RESP18: variants seen among roughly 807,000 people sequenced by gnomAD.
RESP18 encodes regulated endocrine specific protein 18.
RESP18 carries 30 observed loss-of-function variants against 30.0 expected under a neutral mutation model. That is an observed-to-expected ratio of 1.00 (90% CI 0.75 to 1.36). The LOEUF (loss-of-function observed/expected upper bound fraction) is 1.36, where lower values mean the gene tolerates loss of function less well. Ranked by LOEUF, RESP18 falls within the 40% of genes most tolerant of loss-of-function variation. RESP18 has a pLI of 0.00. For missense variants in RESP18, 320 were observed against 284.2 expected, an observed-to-expected ratio of 1.13 and a Z score of -0.91; for synonymous variants, 117 against 111.2, an observed-to-expected ratio of 1.05 and a Z score of -0.33.
chr2:219,329,795 A>C, intron 3 of RESP18, 31 bp from the exon 3 acceptor site: 1 of 1,540,884 alleles, frequency 6.5e-7, no homozygotes, highest in Non-Finnish European at 8.8e-7. Context: ...GGGTGAGTTG[A>C]CACCTGAGAC....
Position 219,329,245 on chromosome 2 carries a change from A to AG in RESP18, c.472dup (p.Leu158ProfsTer17), listed in dbSNP as rs1171729157. The AG allele has an allele frequency of 6.4e-7, 1 of 1,551,688 alleles. No homozygotes were observed. The highest frequency in any genetic ancestry group is 8.7e-7 in the Non-Finnish European group (1 of 1,146,982). On this transcript the variant is annotated frameshift_variant, in exon 5 of 7. Transcript: ENST00000333527. LOFTEE classifies it high-confidence loss of function. ...GCACTGATCCCTGTTCACCTTGGCC[A>AG]GGGGGCTCTGTGAGGAGGGAAACCA...
intron 5 of RESP18, 77 bp from the exon 5 acceptor site, chr2:219,329,085 C>T (rs1311749141): frequency 1.4e-6 from 2 of 1,473,526 alleles, no homozygotes; most frequent in East Asian, 2.5e-5. Context: ...GCCCTCACCT[C>T]AATGCCCATT....
intron 4 of RESP18, 142 bp downstream of exon 3, chr2:219,329,492 ATTC>A (rs1952807489): frequency 7.1e-6 from 11 of 1,546,344 alleles, no homozygotes; most frequent in South Asian, 2.4e-5. Flanking sequence ...GGATCATGAA[ATTC>A]TTCTCTGCTG....
intron 2 of RESP18, among the ~76,000 whole-genome samples, chr2:219,331,447 T>G (rs1323786137): frequency 1.3e-5 from 2 of 152,122 alleles, no homozygotes; most frequent in African/African-American, 4.8e-5. Context: ...GGACAGTCTG[T>G]TTTTTGCTAT....
At chr2:219,330,716 C>A in intron 3 of RESP18, 55 bp downstream of exon 2, 3 of 1,157,076 alleles carry the variant, frequency 2.6e-6, no homozygotes, top group Non-Finnish European at 3.7e-6. Flanking sequence ...AGCCCCTCTT[C>A]CCCCCTCCCC....
In RESP18 at chr2:219,329,144, GAA is replaced by G. The variant is rs1952803808; in HGVS notation, c.555+17_555+18del. Reference sequence around the variant, plus strand: ...CATTTAAACAGGTCCAACCTCCCTAGAAAAAGTGAGCCCCTCACCTTGACAGG... The same window carrying G: ...CATTTAAACAGGTCCAACCTCCCTAGAAAGTGAGCCCCTCACCTTGACAGG... On this transcript the variant is annotated intron_variant, in intron 5 of 6. Coordinates refer to ENST00000333527, the MANE Select transcript of RESP18 (RefSeq NM_001007089.4). The G allele has an allele frequency of 6.5e-7, 1 of 1,548,610 alleles. No homozygotes were observed. The highest frequency in any genetic ancestry group is 8.7e-7 in the Non-Finnish European group (1 of 1,144,372).
chr2:219,332,511 G>A lies in RESP18; in HGVS notation c.232+13C>T, dbSNP rs763560191. ...TCTTGGCCCTGCCCGCACCCCCCAG[G>A]GTTCCTCCTGACCGTGGGCACTAGT... is the stretch of plus-strand genomic sequence containing the variant. On this transcript the variant is annotated intron_variant, in intron 2 of 6. Coordinates refer to ENST00000333527, the MANE Select transcript of RESP18 (RefSeq NM_001007089.4). 2 of 1,547,248 alleles carry A rather than the reference G, an allele frequency of 1.3e-6. No homozygotes were observed. Among genetic ancestry groups the A allele is most frequent in the Admixed American group, 2.0e-5 (1 of 50,900 alleles).
rs761905041 is a variant in RESP18 at position 219,333,115 on chromosome 2, AATATTAT to A, written c.17+39_17+45del. The A allele has an allele frequency of 1.2e-3, 1,263 of 1,030,312 alleles. 6 individuals carry two copies. Among genetic ancestry groups the A allele is most frequent in the East Asian group, 8.9e-3 (254 of 28,614 alleles). The allele number at this position is 1,030,312 out of a possible 1,614,324, so 63.8% of individuals were successfully genotyped here. A position where few individuals can be genotyped will look rare whatever the true frequency, so the allele number is the denominator to read the frequency against. On this transcript the variant is annotated intron_variant, in intron 1 of 6. Transcript: ENST00000333527. Reference sequence around the variant, plus strand: ...TTCGATCTGCTATATATATATATATAATATTATATATTATATATTATATATGGCACAT... The same window carrying A: ...TTCGATCTGCTATATATATATATATAATATTATATATTATATATGGCACAT...
chr2:219,329,524 G>A, intron 4 of RESP18, 113 bp downstream of exon 3: 1 of 1,365,874 alleles, frequency 7.3e-7, no homozygotes, highest in Non-Finnish European at 9.7e-7. Context: ...CAGGACCTCT[G>A]AATTCTCACA....
rs1574947627 is a variant in RESP18 at position 219,329,016 on chromosome 2, A to G, written c.556-8T>C. 1.9e-6 allele frequency: 3 copies of G among 1,546,172 alleles called. No homozygotes were observed. The highest frequency in any genetic ancestry group is 2.6e-6 in the Non-Finnish European group (3 of 1,141,972). The stretch of plus-strand genomic sequence containing the variant: ...TGAACACCTATAGGTAATCTGAGAG[A>G]TACAGGAAATTAGAAGTACCTTTGA... On this transcript the variant is annotated splice_polypyrimidine_tract_variant and splice_region_variant and intron_variant, in intron 5 of 6. Transcript: ENST00000333527.
intron 3 of RESP18, among the ~76,000 whole-genome samples, chr2:219,330,082 T>C (rs1952814569): frequency 6.6e-6 from 1 of 152,170 alleles, no homozygotes; most frequent in African/African-American, 2.4e-5. Context: ...GCAAGGTCTG[T>C]TAAAATACAG....
intron 6 of RESP18, among the ~76,000 whole-genome samples, chr2:219,328,675 G>A (rs529617722): frequency 3.9e-5 from 6 of 152,244 alleles, no homozygotes; most frequent in Middle Eastern, 3.4e-3. Flanking sequence ...CTAGATGGGC[G>A]GTTTCCATTC....
chr2:219,333,128 A>G, intron 1 of RESP18: 2 of 949,616 alleles, frequency 2.1e-6, no homozygotes, highest in Non-Finnish European at 1.4e-6. Flanking sequence ...ATTATATATT[A>G]TATATTATAT....
chr2:219,328,733 G>T (rs992416787), intron 6 of RESP18, among the ~76,000 whole-genome samples, 191 bp downstream of exon 5: 1 of 152,198 alleles, frequency 6.6e-6, no homozygotes, highest in Non-Finnish European at 1.5e-5. Flanking sequence ...TCAGAGCCTT[G>T]CCTGGGTGAC....
In RESP18 at chr2:219,327,553, C is replaced by G; in HGVS notation, c.651G>C (p.Trp217Cys). Residue 217 changes from tryptophan (W) to cysteine (C), a missense_variant, in exon 7 of 7, where the codon TGG becomes TGC. By Grantham distance (215) the Trp-to-Cys change is radical. Coordinates refer to ENST00000333527, the MANE Select transcript of RESP18 (RefSeq NM_001007089.4). ...GTTGCGGCCCACAGTAGGAAGTGGC[C>G]CAGAGAAGCCCTAAAACAAGAAGAA... The G allele has an allele frequency of 6.4e-7, 1 of 1,551,546 alleles. No individual in the cohort carries two copies. The highest frequency in any genetic ancestry group is 8.7e-7 in the Non-Finnish European group (1 of 1,146,934).
intron 3 of RESP18, 144 bp from the exon 3 acceptor site, chr2:219,329,908 A>AC: frequency 3.9e-6 from 3 of 776,764 alleles, no homozygotes; most frequent in Non-Finnish European, 6.0e-6. Context: ...GTTGCTTAGC[A>AC]TAGTGCCTAG....
chr2:219,332,295 A>G (rs1002622734), intron 2 of RESP18, among the ~76,000 whole-genome samples: 1 of 151,714 alleles, frequency 6.6e-6, no homozygotes. Flanking sequence ...CTCTTCCCAA[A>G]TCCCCAATTT....
chr2:219,328,810 T>G, intron 6 of RESP18, 114 bp downstream of exon 5: 2 of 662,902 alleles, frequency 3.0e-6, no homozygotes, highest in South Asian at 1.9e-5. Flanking sequence ...GCACCTCCCA[T>G]TCATCAAGGG....
intron 2 of RESP18, among the ~76,000 whole-genome samples, chr2:219,331,710 C>T (rs1265616161): frequency 6.6e-6 from 1 of 152,082 alleles, no homozygotes; most frequent in Non-Finnish European, 1.5e-5. Flanking sequence ...AGTGGTGACC[C>T]GCTCGGGCTC....
Sources: gnomAD v4.1 joint callset for allele counts (sites outside exome capture counted in the v4.1 genomes callset) on GRCh38, gnomAD v4.1.1 for gene constraint, MANE v1.5 for transcripts, NCBI Gene and HGNC (gene_info 2026-07-23, HGNC 2026-07-21) for gene names.